SMYD3: variants seen among roughly 807,000 people sequenced by gnomAD.
SMYD3 encodes histone-lysine N-methyltransferase SMYD3.
In SMYD3, 36 loss-of-function variants were observed where a neutral mutation model predicts 57.7. That is an observed-to-expected ratio of 0.62 (90% CI 0.48 to 0.82). The LOEUF is 0.82. SMYD3 is among the 40% of genes least tolerant of loss of function. The probability of loss-of-function intolerance (pLI) is 0.00; values close to 1 mark genes in which losing one functional copy is unlikely to be tolerated. For missense variants in SMYD3, 515 were observed against 538.8 expected (o/e 0.96, Z 0.44); for synonymous variants, 211 against 195.0 (o/e 1.08, Z -0.68).
intron 5 of SMYD3, among the ~76,000 whole-genome samples, chr1:246,020,072 C>A (rs562848933): frequency 1.8e-4 from 28 of 152,314 alleles, no homozygotes; most frequent in Admixed American, 1.5e-3. Flanking sequence ...ATTTCACAGC[C>A]TCCTCTACCC....
At chr1:246,444,932 A>C (rs2103023594) in intron 1 of SMYD3, among the ~76,000 whole-genome samples, 1 of 152,298 alleles carries the variant, frequency 6.6e-6, no homozygotes, top group South Asian at 2.1e-4. Flanking sequence ...TGGAATCAGA[A>C]AGTCTGGGGT....
At chr1:245,987,868 C>T (rs1176523650) in intron 5 of SMYD3, among the ~76,000 whole-genome samples, 1 of 152,180 alleles carries the variant, frequency 6.6e-6, no homozygotes, top group Non-Finnish European at 1.5e-5. Context: ...GTCCTCCAAA[C>T]CTGTTTGTAC....
At chr1:246,266,524 G>A (rs919752447) in intron 5 of SMYD3, among the ~76,000 whole-genome samples, 1 of 152,126 alleles carries the variant, frequency 6.6e-6, no homozygotes, top group African/African-American at 2.4e-5. Context: ...GTAAAAGTAT[G>A]TTGAATAATT....
chr1:245,905,018 G>A (rs2054466481), intron 8 of SMYD3, among the ~76,000 whole-genome samples: 2 of 151,780 alleles, frequency 1.3e-5, no homozygotes, highest in South Asian at 4.2e-4. Context: ...CTGCCTTGAA[G>A]GAAACAACCC....
At position 245,761,512 on chromosome 1, in the gene SMYD3, T is replaced by C. The variant is rs778138234; in HGVS notation, c.1185+2529A>G. Among the ~76,000 whole-genome samples the C allele has an allele frequency of 1.7e-4, 26 of 152,168 alleles. 1 individual carries two copies. The highest frequency in any genetic ancestry group is 6.2e-4 in the South Asian group (3 of 4,826). On this transcript the variant is annotated intron_variant, in intron 11 of 11. Coordinates refer to ENST00000490107, the MANE Select transcript of SMYD3 (RefSeq NM_001167740.2). ...CTTATAGTTGAGGGTATTAGATGTC[T>C]CCTTCAGAAGTTCTGTATGCAATAG...
chr1:245,998,701 T>A (rs1327559685), intron 5 of SMYD3, among the ~76,000 whole-genome samples: 1 of 152,184 alleles, frequency 6.6e-6, no homozygotes, highest in Non-Finnish European at 1.5e-5. Flanking sequence ...AACAGATACT[T>A]GCCCACCAAT....
intron 1 of SMYD3, among the ~76,000 whole-genome samples, chr1:246,500,997 AC>A (rs1389972294): frequency 1.3e-5 from 2 of 152,206 alleles, no homozygotes; most frequent in Non-Finnish European, 2.9e-5. Flanking sequence ...CAATTCTTCC[AC>A]CTTATTTCAA....
intron 5 of SMYD3, among the ~76,000 whole-genome samples, chr1:246,287,717 C>A (rs192834156): frequency 6.6e-6 from 1 of 152,116 alleles, no homozygotes; most frequent in Non-Finnish European, 1.5e-5. Context: ...CATCTGCCTA[C>A]GGGATATTCA....
chr1:245,908,073 T>G (rs937808241), intron 8 of SMYD3, among the ~76,000 whole-genome samples: 1 of 151,324 alleles, frequency 6.6e-6, no homozygotes. Context: ...GAGTTGGAGG[T>G]TGCAGTGAGC....
chr1:245,899,930 C>A (rs764105443), intron 8 of SMYD3, among the ~76,000 whole-genome samples: 3 of 152,178 alleles, frequency 2.0e-5, no homozygotes, highest in Non-Finnish European at 4.4e-5. Flanking sequence ...ACAGAACTTA[C>A]ACCACTGGCT....
chr1:245,787,846 C>T (rs1396099990), intron 10 of SMYD3, among the ~76,000 whole-genome samples: 1 of 152,132 alleles, frequency 6.6e-6, no homozygotes, highest in Non-Finnish European at 1.5e-5. Flanking sequence ...AAAAGCAAAC[C>T]ACGGAGAGTT....
rs201561731 is a variant in SMYD3, at chr1:246,358,597, G to T, written c.165-3503C>A. ...AAGTCTCAGTAAATTTAAGAAAATC[G>T]AAATTATATCAAGTACTCTCTCAGA... On this transcript the variant is annotated intron_variant, in intron 1 of 11. Transcript: ENST00000490107. 2.0e-5 allele frequency among the ~76,000 whole-genome samples: 3 copies of T among 152,164 alleles called. No homozygotes were observed. In the East Asian group the frequency reaches 5.8e-4, roughly 29 times the overall value.
chr1:246,212,085 G>GT (rs2063098136), intron 5 of SMYD3, among the ~76,000 whole-genome samples: 1 of 151,970 alleles, frequency 6.6e-6, no homozygotes, highest in South Asian at 2.1e-4. Flanking sequence ...CTCAATACTG[G>GT]TAAGGATGTA....
At chr1:246,271,646 CA>C (rs2064225348) in intron 5 of SMYD3, among the ~76,000 whole-genome samples, 2 of 152,254 alleles carry the variant, frequency 1.3e-5, no homozygotes, top group African/African-American at 4.8e-5. Context: ...CCGTTGATTC[CA>C]TTGGTCTATA....
At chr1:246,456,958 A>G (rs1313962594) in intron 1 of SMYD3, among the ~76,000 whole-genome samples, 1 of 152,182 alleles carries the variant, frequency 6.6e-6, no homozygotes, top group Non-Finnish European at 1.5e-5. Flanking sequence ...GCTCTAGGTT[A>G]AAGAAAATGG....
At chr1:245,804,425 A>T (rs1444632696) in intron 10 of SMYD3, among the ~76,000 whole-genome samples, 2 of 151,976 alleles carry the variant, frequency 1.3e-5, no homozygotes, top group Non-Finnish European at 2.9e-5. Context: ...TACTAAAAAT[A>T]CGGGCGCCTG....
intron 5 of SMYD3, among the ~76,000 whole-genome samples, chr1:246,115,810 A>C (rs2061332606): frequency 6.6e-6 from 1 of 152,220 alleles, no homozygotes; most frequent in Admixed American, 6.5e-5. Context: ...GGAAAGAGAT[A>C]ATAGATGAGC....
intron 1 of SMYD3, among the ~76,000 whole-genome samples, chr1:246,376,589 T>TAAAAAAAAAAAAAAAAAA (rs55996523): frequency 1.2e-5 from 1 of 85,170 alleles, no homozygotes; most frequent in Non-Finnish European, 2.2e-5. Context: ...ACACTCCATC[T>TAAAAAAAAAAAAAAAAAA]AAAAAAAAAA....
At chr1:246,121,979 A>ACC (rs2061431757) in intron 5 of SMYD3, among the ~76,000 whole-genome samples, 5 of 152,172 alleles carry the variant, frequency 3.3e-5, no homozygotes, top group African/African-American at 4.8e-5. Flanking sequence ...ATTCAAAAAT[A>ACC]GTTCAATTTT....
Sources: gnomAD v4.1 joint callset for allele counts (sites outside exome capture counted in the v4.1 genomes callset) on GRCh38, gnomAD v4.1.1 for gene constraint, MANE v1.5 for transcripts, NCBI Gene and HGNC (gene_info 2026-07-23, HGNC 2026-07-21) for gene names.